Variants in KBTBD2 observed in about 807,000 individuals in gnomAD.
The protein encoded by KBTBD2 is kelch repeat and BTB domain containing 2, also known as kelch repeat and BTB domain-containing protein 2.
KBTBD2 carries 17 observed loss-of-function variants against 57.1 expected under a neutral mutation model. The ratio of observed to expected loss-of-function variants is 0.30; its 90% CI spans 0.20 to 0.45. The LOEUF (loss-of-function observed/expected upper bound fraction) is 0.45. Among genes scored for constraint, KBTBD2 ranks in the 20% least tolerant of loss-of-function variants. The pLI, the probability that KBTBD2 is intolerant of heterozygous loss-of-function variation, is 1.00. For missense variants in KBTBD2, 515 were observed against 750.6 expected, an observed-to-expected ratio of 0.69 and a Z score of 3.67; for synonymous variants, 267 against 262.7, an observed-to-expected ratio of 1.02 and a Z score of -0.16.
At chr7:32,884,956 A>G (rs1279852707) in intron 1 of KBTBD2, among the ~76,000 whole-genome samples, 3 of 145,404 alleles carry the variant, frequency 2.1e-5, no homozygotes, top group Non-Finnish European at 4.5e-5. Context: ...TCTTTTATAT[A>G]TATATGTGTG....
At chr7:32,885,005 T>C (rs1784539467) in intron 1 of KBTBD2, among the ~76,000 whole-genome samples, 1 of 37,210 alleles carries the variant, frequency 2.7e-5, no homozygotes, top group Non-Finnish European at 4.6e-5. Context: ...TATATGTGTA[T>C]ATATATATAT....
chr7:32,884,991 CACATATATGTGTATATATATATATAT>C (rs1406237590), intron 1 of KBTBD2, among the ~76,000 whole-genome samples: 64 of 99,994 alleles, frequency 6.4e-4, no homozygotes, highest in South Asian at 3.2e-3. Context: ...TATATATATA[CACATATATGTGTATATATATATATAT>C]ACACACACAT....
Position 32,879,550 on chromosome 7 carries a change from C to T in KBTBD2, c.55G>A (p.Glu19Lys), listed in dbSNP as rs1784398524. ...TGTTCATAAAACAGTTTCAACTGTT[C>T]CAACAATGACACAGCATATTCAGTA... ...INTEYAVSLL[E>K]QLKLFYEQQL... The change falls in exon 2 of 4, where the codon GAA becomes AAA. Residue 19 changes from glutamate to lysine, a missense_variant. Transcript: ENST00000304056. The T allele has an allele frequency of 1.9e-6, 3 of 1,613,198 alleles. No individual in the cohort carries two copies. Among genetic ancestry groups the T allele is most frequent in the African/African-American group, 1.3e-5 (1 of 74,910 alleles).
At chr7:32,881,490 A>G (rs931139820) in intron 1 of KBTBD2, among the ~76,000 whole-genome samples, 101 of 151,850 alleles carry the variant, frequency 6.7e-4, no homozygotes, top group Non-Finnish European at 1.3e-3. Flanking sequence ...CTCACAAAAT[A>G]CCATCCATTA....
chr7:32,872,586 G>A (rs907769391), intron 3 of KBTBD2, among the ~76,000 whole-genome samples: 1 of 152,082 alleles, frequency 6.6e-6, no homozygotes, highest in Non-Finnish European at 1.5e-5. Flanking sequence ...GCTAAGGCTG[G>A]GGGATGACTT....
At chr7:32,888,605 T>C (rs1213587099) in intron 1 of KBTBD2, among the ~76,000 whole-genome samples, 2 of 150,592 alleles carry the variant, frequency 1.3e-5, no homozygotes, top group African/African-American at 4.9e-5. Context: ...TTGAAGAATC[T>C]ATCAAGTTTT....
intron 3 of KBTBD2, among the ~76,000 whole-genome samples, chr7:32,874,337 T>G (rs1784255646): frequency 6.6e-6 from 1 of 151,776 alleles, no homozygotes; most frequent in Admixed American, 6.6e-5. Flanking sequence ...AGGCGGAGCT[T>G]GCATCTGAGC....
intron 3 of KBTBD2, among the ~76,000 whole-genome samples, chr7:32,874,002 C>T (rs987044279): frequency 2.6e-5 from 4 of 152,142 alleles, no homozygotes; most frequent in African/African-American, 9.7e-5. Context: ...GTGGTTCATA[C>T]CTGTAATCCC....
At chr7:32,888,608 CAA>C (rs1784642496) in intron 1 of KBTBD2, among the ~76,000 whole-genome samples, 1 of 150,394 alleles carries the variant, frequency 6.6e-6, no homozygotes, top group Admixed American at 6.7e-5. Flanking sequence ...AAGAATCTAT[CAA>C]GTTTTAAAAA....
At position 32,879,934 on chromosome 7, in the gene KBTBD2, G is replaced by C. The variant is rs1784406878; in HGVS notation, c.-330C>G. ...CAACATCCTATGTTCAGCGGATCCTGTGGAGTAACTAAAAAGAAAAAAAGT... is the reference window on the plus strand; with the variant it reads ...CAACATCCTATGTTCAGCGGATCCTCTGGAGTAACTAAAAAGAAAAAAAGT... On this transcript the variant is annotated 5_prime_UTR_variant, in exon 2 of 4. Transcript: ENST00000304056. 9.2e-6 allele frequency: 2 copies of C among 216,416 alleles called. No individual in the cohort carries two copies. The allele number at this position is 216,416 out of a possible 1,614,324, so 13.4% of individuals were successfully genotyped here. A position where few individuals can be genotyped will look rare whatever the true frequency, so the allele number is the denominator to read the frequency against.
chr7:32,875,906 T>C (rs903333391), intron 2 of KBTBD2, among the ~76,000 whole-genome samples: 1 of 152,172 alleles, frequency 6.6e-6, no homozygotes, highest in Non-Finnish European at 1.5e-5. Flanking sequence ...TCTGTGACTA[T>C]AAATAGACAC....
At position 32,869,188 on chromosome 7, in the gene KBTBD2, A is replaced by G; in HGVS notation, c.*157T>C. On this transcript the variant is annotated 3_prime_UTR_variant, in exon 4 of 4. Coordinates refer to ENST00000304056, the MANE Select transcript of KBTBD2 (RefSeq NM_015483.3). ...ATCTTTCTGTAAGACTCACTGATAT[A>G]TATTATACTGATGCAAATATTAAGT... The G allele has an allele frequency of 3.4e-6, 2 of 590,194 alleles. No homozygotes were observed. Among genetic ancestry groups the G allele is most frequent in the South Asian group, 4.3e-5 (2 of 46,288 alleles). 36.6% of individuals were successfully genotyped at this position (590,194 alleles called of 1,614,324 possible).
At chr7:32,884,335 G>A (rs947121354) in intron 1 of KBTBD2, among the ~76,000 whole-genome samples, 3 of 150,420 alleles carry the variant, frequency 2.0e-5, no homozygotes, top group African/African-American at 4.9e-5. Context: ...CTATGATCAT[G>A]CCACTGCACT....
At chr7:32,876,064 TCAAA>T (rs1206340394) in intron 2 of KBTBD2, among the ~76,000 whole-genome samples, 2 of 152,208 alleles carry the variant, frequency 1.3e-5, no homozygotes, top group African/African-American at 2.4e-5. Context: ...ATTCATTTAC[TCAAA>T]CAATTCTCTA....
At chr7:32,880,922 G>A (rs2127953937) in intron 1 of KBTBD2, among the ~76,000 whole-genome samples, 1 of 152,138 alleles carries the variant, frequency 6.6e-6, no homozygotes, top group East Asian at 1.9e-4. Flanking sequence ...CCAACATGGT[G>A]AAATCCTGTC....
At position 32,875,739 on chromosome 7, in the gene KBTBD2, C is replaced by CTTT. The variant is rs766922427; in HGVS notation, c.171-585_171-583dup. On this transcript the variant is annotated intron_variant, in intron 2 of 3. Transcript: ENST00000304056. ...AAAAGGAACTAAGTATTAATATATA[C>CTTT]TTTAACATAAATGAACCTGAAAACA... is the stretch of plus-strand genomic sequence containing the variant. Among the ~76,000 whole-genome samples the CTTT allele has an allele frequency of 8.0e-4, 122 of 152,038 alleles. 1 individual carries two copies. Among genetic ancestry groups the CTTT allele is most frequent in the Non-Finnish European group, 1.6e-3 (106 of 68,016 alleles).
Position 32,891,604 on chromosome 7 carries a change from G to T in KBTBD2, c.-407C>A, listed in dbSNP as rs1048889011. ...GGCCCCGTCCACACTGGGCCCCTCC[G>T]GCGCGGCGGCGGGGGCGTGGCCCTC... is the stretch of plus-strand genomic sequence containing the variant. On this transcript the variant is annotated 5_prime_UTR_variant, in exon 1 of 4. Coordinates refer to ENST00000304056, the MANE Select transcript of KBTBD2 (RefSeq NM_015483.3). 2.0e-5 allele frequency: 3 copies of T among 149,672 alleles called. No individual in the cohort carries two copies. The allele number at this position is 149,672 out of a possible 1,614,324, so 9.3% of individuals were successfully genotyped here.
upstream of KBTBD2, chr7:32,891,884 C>G (rs1380010127): frequency 7.9e-6 from 1 of 127,278 alleles, no homozygotes; most frequent in Admixed American, 7.5e-5. Context: ...GCCCGCCGCC[C>G]CCGCCGCCCC....
chr7:32,880,331 C>CA (rs919894335), intron 1 of KBTBD2, among the ~76,000 whole-genome samples: 50 of 151,776 alleles, frequency 3.3e-4, no homozygotes, highest in African/African-American at 1.2e-3. Flanking sequence ...TTTAAAAAAA[C>CA]AAAAAACCTG....
Sources: allele counts gnomAD v4.1 joint callset (sites outside exome capture counted in the v4.1 genomes callset), GRCh38; gene constraint gnomAD v4.1.1; transcripts MANE v1.5; gene names NCBI Gene and HGNC (gene_info 2026-07-23, HGNC 2026-07-21).